The following PDZRN4 variants were observed in gnomAD, a reference collection of about 807,000 sequenced individuals.
The protein encoded by PDZRN4 is PDZ domain-containing RING finger protein 4.
PDZRN4 carries 70 observed loss-of-function variants against 99.0 expected under a neutral mutation model. The observed-to-expected ratio is 0.71, with a 90% CI of 0.58 to 0.86. PDZRN4 has a LOEUF of 0.86. PDZRN4 is among the 40% of genes least tolerant of loss of function. The pLI, the probability that PDZRN4 is intolerant of heterozygous loss-of-function variation, is 0.00. For missense variants in PDZRN4, 1,474 were observed against 1,331.2 expected, an observed-to-expected ratio of 1.11 and a Z score of -1.67; for synonymous variants, 551 against 501.6, an observed-to-expected ratio of 1.10 and a Z score of -1.32.
chr12:41,361,088 T>C (rs1188640835), intron 3 of PDZRN4, among the ~76,000 whole-genome samples: 2 of 152,038 alleles, frequency 1.3e-5, no homozygotes, highest in Non-Finnish European at 2.9e-5. Context: ...CTTTACAGCA[T>C]GGATTTCCTT....
At chr12:41,359,184 T>C (rs1037038036) in intron 3 of PDZRN4, among the ~76,000 whole-genome samples, 5 of 152,108 alleles carry the variant, frequency 3.3e-5, no homozygotes, top group Admixed American at 2.6e-4. Flanking sequence ...TCTAACATTT[T>C]TTTTTATTCT....
intron 3 of PDZRN4, among the ~76,000 whole-genome samples, chr12:41,288,254 C>T (rs907219780): frequency 6.6e-6 from 1 of 152,004 alleles, no homozygotes; most frequent in Non-Finnish European, 1.5e-5. Flanking sequence ...TTAGTTCAGC[C>T]CTGTGATAAT....
intron 3 of PDZRN4, among the ~76,000 whole-genome samples, chr12:41,379,593 A>G (rs903156500): frequency 1.3e-5 from 2 of 150,614 alleles, no homozygotes; most frequent in Admixed American, 6.6e-5. Context: ...ATTTCTTTTG[A>G]TTTTTTATTT....
At chr12:41,332,064 A>C (rs1433684999) in intron 3 of PDZRN4, among the ~76,000 whole-genome samples, 1 of 152,156 alleles carries the variant, frequency 6.6e-6, no homozygotes, top group Non-Finnish European at 1.5e-5. Flanking sequence ...AGTGAGCTTA[A>C]TTGAGAAAGA....
chr12:41,385,413 A>G (rs986553750), intron 3 of PDZRN4, among the ~76,000 whole-genome samples: 1 of 152,330 alleles, frequency 6.6e-6, no homozygotes, highest in East Asian at 1.9e-4. Context: ...AGAATGAACA[A>G]GGAAAACACA....
intron 3 of PDZRN4, among the ~76,000 whole-genome samples, chr12:41,388,838 A>T (rs1952190689): frequency 6.6e-6 from 1 of 152,192 alleles, no homozygotes; most frequent in African/African-American, 2.4e-5. Context: ...AATATTAGGT[A>T]TCTTTTTTGT....
chr12:41,551,173 G>C (rs555565448), intron 5 of PDZRN4, among the ~76,000 whole-genome samples: 30 of 152,226 alleles, frequency 2.0e-4, no homozygotes, highest in African/African-American at 6.0e-4. Flanking sequence ...GTGAGGGCCT[G>C]TTCCTCATAG....
chr12:41,530,593 A>T (rs574141908), intron 5 of PDZRN4, among the ~76,000 whole-genome samples: 1 of 152,252 alleles, frequency 6.6e-6, no homozygotes, highest in East Asian at 1.9e-4. Flanking sequence ...TTATGCATAG[A>T]CTGGTGCATA....
At chr12:41,200,317 A>C (rs7487688) in intron 3 of PDZRN4, among the ~76,000 whole-genome samples, 100,573 of 151,964 alleles carry the variant, frequency 0.66, 33,480 homozygotes, top group South Asian at 0.74. Flanking sequence ...GTCACCCTAG[A>C]CAGTCCCTCA....
chr12:41,502,271 C>G (rs1349622369), intron 3 of PDZRN4, among the ~76,000 whole-genome samples: 1 of 152,098 alleles, frequency 6.6e-6, no homozygotes, highest in Non-Finnish European at 1.5e-5. Context: ...ACAAATCAGT[C>G]TGAGCCACAG....
chr12:41,281,562 G>A lies in PDZRN4; in HGVS notation c.843+87374G>A, dbSNP rs960444782. On this transcript the variant is annotated intron_variant, in intron 3 of 9. Transcript: ENST00000402685. ...CTGAAAAACATAGCACAAGAACTTC[G>A]CAAAGCATACACAAGTATCAATAGC... Among the ~76,000 whole-genome samples the A allele has an allele frequency of 4.6e-5, 7 of 152,004 alleles. No individual in the cohort carries two copies. In the East Asian group the frequency reaches 7.7e-4, roughly 17 times the overall value.
At chr12:41,355,852 G>A (rs1324404411) in intron 3 of PDZRN4, among the ~76,000 whole-genome samples, 1 of 151,796 alleles carries the variant, frequency 6.6e-6, no homozygotes, top group Non-Finnish European at 1.5e-5. Context: ...GTGGTTTTTT[G>A]GTGCTTGACA....
At chr12:41,278,524 C>T (rs1361621980) in intron 3 of PDZRN4, among the ~76,000 whole-genome samples, 1 of 152,134 alleles carries the variant, frequency 6.6e-6, no homozygotes, top group Non-Finnish European at 1.5e-5. Flanking sequence ...ATTATTTTTC[C>T]TTCCACTGTC....
chr12:41,521,595 T>TA (rs1159944025), intron 5 of PDZRN4, among the ~76,000 whole-genome samples: 8 of 152,116 alleles, frequency 5.3e-5, no homozygotes, highest in Non-Finnish European at 7.4e-5. Flanking sequence ...ATAAGGAGGC[T>TA]ATAGAAGCAC....
chr12:41,383,997 TTTTTTTTTTTTTTTTTTTTTTTTG>T (rs1952146335), intron 3 of PDZRN4, among the ~76,000 whole-genome samples: 11 of 25,828 alleles, frequency 4.3e-4, no homozygotes, highest in Admixed American at 2.3e-3. Flanking sequence ...TTTTTTTTTT[TTTTTTTTTTTTTTTTTTTTTTTTG>T]AGACGGAATC....
intron 3 of PDZRN4, among the ~76,000 whole-genome samples, chr12:41,320,981 A>G (rs1951673560): frequency 6.6e-6 from 1 of 152,154 alleles, no homozygotes; most frequent in African/African-American, 2.4e-5. Flanking sequence ...TATCATTTCT[A>G]TAATAAAATA....
At chr12:41,558,843 A>C (rs900637909) in intron 7 of PDZRN4, among the ~76,000 whole-genome samples, 3 of 152,192 alleles carry the variant, frequency 2.0e-5, no homozygotes, top group Admixed American at 1.3e-4. Context: ...AATTATATTA[A>C]GTAAAACTCT....
chr12:41,537,788 A>G (rs1215109255), intron 5 of PDZRN4, among the ~76,000 whole-genome samples: 1 of 152,176 alleles, frequency 6.6e-6, no homozygotes, highest in East Asian at 1.9e-4. Flanking sequence ...GGGAAAAGAT[A>G]ACCCTGAAGA....
chr12:41,301,925 T>C (rs963599303), intron 3 of PDZRN4, among the ~76,000 whole-genome samples: 1 of 152,120 alleles, frequency 6.6e-6, no homozygotes, highest in Admixed American at 6.6e-5. Flanking sequence ...CTAGTATTAA[T>C]TTTCAAATCT....
Sources: gnomAD v4.1 joint callset for allele counts (sites outside exome capture counted in the v4.1 genomes callset) on GRCh38, gnomAD v4.1.1 for gene constraint, MANE v1.5 for transcripts, NCBI Gene and HGNC (gene_info 2026-07-23, HGNC 2026-07-21) for gene names.